The following RNGTT variants were observed in gnomAD, a reference collection of about 807,000 sequenced individuals.
RNGTT encodes RNA guanylyltransferase and 5'-phosphatase.
RNGTT carries 33 observed loss-of-function variants against 79.3 expected under a neutral mutation model. That is an observed-to-expected ratio of 0.42 (90% confidence interval 0.32 to 0.56). RNGTT has a LOEUF of 0.56. Ranked by LOEUF, RNGTT falls within the 20% of genes least tolerant of loss-of-function variation. The probability of loss-of-function intolerance (pLI) is 0.17; values close to 1 mark genes in which losing one functional copy is unlikely to be tolerated. For synonymous variants in RNGTT, 222 were observed against 235.9 expected (o/e 0.94, Z 0.54); for missense variants, 497 against 739.1 (o/e 0.67, Z 3.80).
chr6:88,856,668 CA>C (rs1781854822), intron 8 of RNGTT, among the ~76,000 whole-genome samples: 1 of 152,126 alleles, frequency 6.6e-6, no homozygotes, highest in African/African-American at 2.4e-5. Context: ...CTTTGGAACA[CA>C]AGTTCCTGAG....
At chr6:88,881,871 T>A (rs1411024595) in intron 8 of RNGTT, among the ~76,000 whole-genome samples, 1 of 152,182 alleles carries the variant, frequency 6.6e-6, no homozygotes, top group Non-Finnish European at 1.5e-5. Flanking sequence ...CCCAACCCAA[T>A]CCCAAATATC....
intron 12 of RNGTT, among the ~76,000 whole-genome samples, chr6:88,791,360 G>A (rs9344872): frequency 6.6e-6 from 1 of 151,514 alleles, no homozygotes; most frequent in Non-Finnish European, 1.5e-5. Flanking sequence ...GCTTATCTCA[G>A]ACTCCTGGGC....
At chr6:88,726,419 G>C (rs1019231624) in intron 13 of RNGTT, among the ~76,000 whole-genome samples, 1 of 139,216 alleles carries the variant, frequency 7.2e-6, no homozygotes, top group East Asian at 2.0e-4. Flanking sequence ...CAAAAAGGTA[G>C]CTTACTGACT....
intron 14 of RNGTT, among the ~76,000 whole-genome samples, chr6:88,635,194 G>A (rs573333926): frequency 5.3e-5 from 8 of 152,170 alleles, no homozygotes; most frequent in African/African-American, 1.9e-4. Context: ...GGCTGTGTGT[G>A]TGCTTATGTA....
intron 12 of RNGTT, among the ~76,000 whole-genome samples, chr6:88,785,380 T>C (rs1222689166): frequency 6.6e-6 from 1 of 151,952 alleles, no homozygotes; most frequent in African/African-American, 2.4e-5. Flanking sequence ...GCCAACAAAA[T>C]TCAAAAAAAA....
intron 4 of RNGTT, among the ~76,000 whole-genome samples, chr6:88,926,085 C>T (rs936369580): frequency 5.9e-5 from 9 of 152,208 alleles, no homozygotes; most frequent in South Asian, 2.1e-4. Context: ...TTTGTTTACT[C>T]CAGAATTAAA....
chr6:88,689,950 C>A (rs571713334), intron 13 of RNGTT, among the ~76,000 whole-genome samples: 2 of 151,346 alleles, frequency 1.3e-5, no homozygotes, highest in African/African-American at 2.4e-5. Context: ...TAACTATCAC[C>A]AGTATTAAAG....
intron 13 of RNGTT, among the ~76,000 whole-genome samples, chr6:88,759,302 A>G (rs1778127195): frequency 6.6e-6 from 1 of 152,174 alleles, no homozygotes; most frequent in African/African-American, 2.4e-5. Context: ...TTTCTGGCAT[A>G]AGAAGGTATT....
At chr6:88,826,869 T>C (rs1475011817) in intron 11 of RNGTT, among the ~76,000 whole-genome samples, 1 of 146,290 alleles carries the variant, frequency 6.8e-6, no homozygotes, top group Non-Finnish European at 1.5e-5. Context: ...TATATATATA[T>C]AATATACTAT....
At chr6:88,809,795 T>A (rs1484682396) in intron 11 of RNGTT, among the ~76,000 whole-genome samples, 2 of 151,664 alleles carry the variant, frequency 1.3e-5, no homozygotes, top group Non-Finnish European at 2.9e-5. Context: ...ATACCTGTAA[T>A]CCCAGCACTT....
chr6:88,727,050 G>A (rs564770146), intron 13 of RNGTT, among the ~76,000 whole-genome samples: 1 of 152,118 alleles, frequency 6.6e-6, no homozygotes, highest in African/African-American at 2.4e-5. Flanking sequence ...GTAAATTTTT[G>A]TCCTAAAATA....
chr6:88,795,744 C>G (rs1403232224), intron 12 of RNGTT, among the ~76,000 whole-genome samples: 2 of 151,964 alleles, frequency 1.3e-5, no homozygotes, highest in Non-Finnish European at 2.9e-5. Context: ...AAATAAACAA[C>G]TCAAAGCACA....
At chr6:88,789,293 C>T (rs778726186) in intron 12 of RNGTT, among the ~76,000 whole-genome samples, 1 of 152,086 alleles carries the variant, frequency 6.6e-6, no homozygotes, top group Admixed American at 6.6e-5. Context: ...GTGTTAATTA[C>T]ACTCACGCCT....
chr6:88,687,047 T>C (rs9353589), intron 13 of RNGTT, among the ~76,000 whole-genome samples: 17,330 of 151,680 alleles, frequency 0.11, 1,105 homozygotes, highest in Middle Eastern at 0.23. Context: ...TGGGAGAAAA[T>C]ATTTGTAACA....
At chr6:88,712,409 G>A (rs560551773) in intron 13 of RNGTT, among the ~76,000 whole-genome samples, 6 of 152,222 alleles carry the variant, frequency 3.9e-5, no homozygotes, top group South Asian at 2.1e-4. Context: ...GGACTCCAGC[G>A]ATCCTCCCAC....
At chr6:88,652,835 T>G (rs192050354) in intron 14 of RNGTT, among the ~76,000 whole-genome samples, 2 of 152,114 alleles carry the variant, frequency 1.3e-5, no homozygotes, top group Non-Finnish European at 2.9e-5. Flanking sequence ...GTGCCTGCAT[T>G]TAGGGTAAGG....
At chr6:88,804,718 T>TA (rs78578676) in intron 11 of RNGTT, among the ~76,000 whole-genome samples, 62 of 147,350 alleles carry the variant, frequency 4.2e-4, no homozygotes, top group East Asian at 2.0e-3. Flanking sequence ...TTACAATTCT[T>TA]AAAAAAAAAA....
At chr6:88,923,999 C>T (rs556546753) in intron 4 of RNGTT, among the ~76,000 whole-genome samples, 3 of 152,128 alleles carry the variant, frequency 2.0e-5, no homozygotes, top group Non-Finnish European at 4.4e-5. Flanking sequence ...GGGAAGCCAC[C>T]GGGAGGGGTA....
intron 11 of RNGTT, among the ~76,000 whole-genome samples, chr6:88,842,900 CGT>C (rs1174700737): frequency 6.6e-6 from 1 of 151,790 alleles, no homozygotes; most frequent in Non-Finnish European, 1.5e-5. Flanking sequence ...AGGGAAACCT[CGT>C]CTCTAGAAAA....
Sources: gnomAD v4.1 joint callset for allele counts (sites outside exome capture counted in the v4.1 genomes callset) on GRCh38, gnomAD v4.1.1 for gene constraint, MANE v1.5 for transcripts, NCBI Gene and HGNC (gene_info 2026-07-23, HGNC 2026-07-21) for gene names.